ADGRB3: variants seen among roughly 807,000 people sequenced by gnomAD.
ADGRB3 encodes the protein brain-specific angiogenesis inhibitor 3.
In ADGRB3, 37 loss-of-function variants were observed where a neutral mutation model predicts 193.4. That is an observed-to-expected ratio of 0.19 (90% confidence interval 0.15 to 0.25). The LOEUF (loss-of-function observed/expected upper bound fraction) is 0.25, where lower values mean the gene tolerates loss of function less well. Among genes scored for constraint, ADGRB3 ranks in the 10% least tolerant of loss-of-function variants. The pLI, the probability that ADGRB3 is intolerant of heterozygous loss-of-function variation, is 1.00. For synonymous variants in ADGRB3, 690 were observed against 644.2 expected (o/e 1.07, Z -1.08); for missense variants, 1,637 against 1,852.9 (o/e 0.88, Z 2.14).
intron 3 of ADGRB3, among the ~76,000 whole-genome samples, chr6:68,718,803 T>A (rs756879666): frequency 2.0e-5 from 3 of 151,748 alleles, no homozygotes; most frequent in African/African-American, 7.3e-5. Context: ...TGGCAAATTA[T>A]GGTCTGCAGG....
intron 6 of ADGRB3, among the ~76,000 whole-genome samples, chr6:68,949,696 T>C (rs980732810): frequency 1.3e-5 from 2 of 152,212 alleles, no homozygotes; most frequent in African/African-American, 4.8e-5. Context: ...TTAATTGATA[T>C]GGATTTTATC....
At chr6:69,211,966 T>C (rs999749748) in intron 17 of ADGRB3, among the ~76,000 whole-genome samples, 6 of 152,192 alleles carry the variant, frequency 3.9e-5, no homozygotes, top group East Asian at 1.9e-4. Context: ...CAGAGAAATG[T>C]ACAGAGAGAT....
At chr6:69,209,009 G>A (rs767490999) in intron 17 of ADGRB3, among the ~76,000 whole-genome samples, 21 of 152,138 alleles carry the variant, frequency 1.4e-4, no homozygotes, top group Non-Finnish European at 2.8e-4. Flanking sequence ...AGATGGCAGG[G>A]CCTTGCTCCA....
chr6:68,707,118 A>C (rs1288121847), intron 3 of ADGRB3, among the ~76,000 whole-genome samples: 2 of 152,068 alleles, frequency 1.3e-5, no homozygotes, highest in African/African-American at 2.4e-5. Context: ...CTCAAAAAAA[A>C]AAAAAAAAAA....
chr6:69,058,160 T>C (rs1771601134), intron 15 of ADGRB3, among the ~76,000 whole-genome samples: 1 of 152,016 alleles, frequency 6.6e-6, no homozygotes, highest in Admixed American at 6.5e-5. Context: ...GCTTCAGTCT[T>C]GGTGTGTTAT....
chr6:69,203,153 A>G (rs3799054), intron 17 of ADGRB3, among the ~76,000 whole-genome samples: 2 of 152,310 alleles, frequency 1.3e-5, no homozygotes, highest in South Asian at 2.1e-4. Flanking sequence ...CAAAAAAGCT[A>G]CTTTTGAAAT....
At chr6:69,360,538 C>G (rs1199447596) in intron 28 of ADGRB3, among the ~76,000 whole-genome samples, 1 of 151,882 alleles carries the variant, frequency 6.6e-6, no homozygotes, top group Non-Finnish European at 1.5e-5. Flanking sequence ...ATGGAGAAAA[C>G]TTCTCTGGTA....
chr6:69,215,343 T>C (rs1242737207), intron 17 of ADGRB3, among the ~76,000 whole-genome samples: 1 of 152,170 alleles, frequency 6.6e-6, no homozygotes, highest in Non-Finnish European at 1.5e-5. Context: ...ATGTCTAAAA[T>C]TTTTTCAAAA....
intron 4 of ADGRB3, among the ~76,000 whole-genome samples, chr6:68,931,818 G>T (rs184042671): frequency 3.3e-5 from 5 of 152,226 alleles, no homozygotes; most frequent in Non-Finnish European, 5.9e-5. Flanking sequence ...CAAATTTTCA[G>T]AACAAGAAGT....
rs566714529 is a variant in ADGRB3 at position 69,070,464 on chromosome 6, C to G, written c.2437-5531C>G. 4.1e-4 allele frequency among the ~76,000 whole-genome samples: 62 copies of G among 152,178 alleles called. No individual in the cohort carries two copies. In the South Asian group the frequency reaches 0.011, roughly 28 times the overall value. ...TCGCCTCACAAAGTTTCAGTAGATG[C>G]ATGGGAGGAATATGCTTTAATGATC... On this transcript the variant is annotated intron_variant, in intron 16 of 31. Coordinates refer to ENST00000370598, the MANE Select transcript of ADGRB3 (RefSeq NM_001704.3).
At chr6:69,196,838 C>G (rs149689163) in intron 17 of ADGRB3, among the ~76,000 whole-genome samples, 126 of 152,146 alleles carry the variant, frequency 8.3e-4, no homozygotes, top group African/African-American at 2.9e-3. Context: ...TGATTTATCA[C>G]AAAGGGTGAT....
At chr6:68,977,329 G>A (rs1459571477) in intron 10 of ADGRB3, among the ~76,000 whole-genome samples, 1 of 151,620 alleles carries the variant, frequency 6.6e-6, no homozygotes, top group Non-Finnish European at 1.5e-5. Context: ...TTAGTCATTA[G>A]ACTTTGTTTA....
chr6:68,667,247 C>A (rs568908529), intron 3 of ADGRB3, among the ~76,000 whole-genome samples: 1 of 151,790 alleles, frequency 6.6e-6, no homozygotes, highest in Non-Finnish European at 1.5e-5. Flanking sequence ...AAGGAAGGAA[C>A]TTGTAAGATT....
chr6:69,160,336 C>T (rs1188151943), intron 17 of ADGRB3, among the ~76,000 whole-genome samples: 3 of 152,070 alleles, frequency 2.0e-5, no homozygotes, highest in Non-Finnish European at 4.4e-5. Context: ...GTGCTACCTA[C>T]CCCTTCACTC....
intron 20 of ADGRB3, among the ~76,000 whole-genome samples, chr6:69,270,387 ATTTTAGAGAGC>A (rs1343148269): frequency 6.6e-6 from 1 of 152,168 alleles, no homozygotes; most frequent in Non-Finnish European, 1.5e-5. Context: ...TCTCATGTGA[ATTTTAGAGAGC>A]TTAGTTTCAA....
chr6:68,859,224 A>G (rs1411870966), intron 3 of ADGRB3, among the ~76,000 whole-genome samples: 1 of 152,120 alleles, frequency 6.6e-6, no homozygotes, highest in Non-Finnish European at 1.5e-5. Flanking sequence ...CCCCATCTCC[A>G]TCTGAGACCA....
intron 20 of ADGRB3, among the ~76,000 whole-genome samples, chr6:69,283,449 C>A (rs1366616814): frequency 2.0e-5 from 3 of 152,104 alleles, no homozygotes; most frequent in Admixed American, 6.6e-5. Flanking sequence ...CCTTTCCACT[C>A]TTGGATAGGG....
At chr6:69,384,641 A>G (rs938875062) in intron 31 of ADGRB3, among the ~76,000 whole-genome samples, 3 of 152,028 alleles carry the variant, frequency 2.0e-5, no homozygotes, top group African/African-American at 7.2e-5. Flanking sequence ...GACAACAAAA[A>G]TAGTCTACTA....
chr6:69,102,858 G>C (rs550262024), intron 17 of ADGRB3, among the ~76,000 whole-genome samples: 2 of 152,166 alleles, frequency 1.3e-5, no homozygotes, highest in South Asian at 2.1e-4. Flanking sequence ...TCACTATGCA[G>C]CTATTTCATT....
Sources: allele counts gnomAD v4.1 joint callset (sites outside exome capture counted in the v4.1 genomes callset), GRCh38; gene constraint gnomAD v4.1.1; transcripts MANE v1.5; gene names NCBI Gene and HGNC (gene_info 2026-07-23, HGNC 2026-07-21).